Variants in LINGO2 observed in about 807,000 individuals in gnomAD.
The protein encoded by LINGO2 is leucine-rich repeat and immunoglobulin-like domain-containing nogo receptor-interacting protein 2.
A neutral mutation model predicts 30.6 loss-of-function variants in LINGO2; 14 were observed. The observed-to-expected ratio is 0.46, with a 90% confidence interval of 0.30 to 0.72. LINGO2 has a LOEUF of 0.72. LINGO2 is among the 30% of genes least tolerant of loss of function. The probability of loss-of-function intolerance (pLI) is 0.07; values close to 1 mark genes in which losing one functional copy is unlikely to be tolerated. For synonymous variants in LINGO2, 317 were observed against 288.5 expected (o/e 1.10, Z -1.00); for missense variants, 729 against 751.7 (o/e 0.97, Z 0.35).
chr9:28,147,698 G>A lies in LINGO2; in HGVS notation c.-86-135293C>T, dbSNP rs77749958. On this transcript the variant is annotated intron_variant, in intron 4 of 5. Coordinates refer to ENST00000379992, the Ensembl canonical transcript of LINGO2. The surrounding 1 kb of genome is among the most constrained non-coding windows in gnomAD (Gnocchi z 4.7). ...CCCCGCACCCCCAACAGCCCCACGG[G>A]GGGGCCCGTCCAGGGCCACACAACT... Among the ~76,000 whole-genome samples the A allele has an allele frequency of 2.0e-5, 3 of 152,262 alleles. No individual in the cohort carries two copies. In the East Asian group the frequency reaches 5.8e-4, roughly 30 times the overall value.
chr9:28,286,338 G>T (rs984052424), intron 4 of LINGO2, among the ~76,000 whole-genome samples: 1 of 152,150 alleles, frequency 6.6e-6, no homozygotes, highest in Non-Finnish European at 1.5e-5. Flanking sequence ...TGGAGAAAAA[G>T]GAATGCTTAT....
the LINGO2 span, among the ~76,000 whole-genome samples, chr9:29,022,581 T>C: frequency 2.6e-5 from 4 of 152,182 alleles, no homozygotes; most frequent in African/African-American, 4.8e-5. Flanking sequence ...TTAAAACACA[T>C]GTAAAAAACA....
At chr9:28,989,209 C>A in the LINGO2 span, among the ~76,000 whole-genome samples, 1 of 152,086 alleles carries the variant, frequency 6.6e-6, no homozygotes, top group Non-Finnish European at 1.5e-5. Context: ...TAAATTACTA[C>A]CAACAAACAA....
At chr9:29,023,845 T>C in the LINGO2 span, among the ~76,000 whole-genome samples, 2 of 152,162 alleles carry the variant, frequency 1.3e-5, no homozygotes, top group Admixed American at 6.6e-5. Flanking sequence ...TCGGAAGCTA[T>C]ATAGGAAGCT....
chr9:28,721,850 A>C, the LINGO2 span, among the ~76,000 whole-genome samples: 1 of 152,092 alleles, frequency 6.6e-6, no homozygotes, highest in Non-Finnish European at 1.5e-5. Flanking sequence ...ACATGGAGAT[A>C]CAATTTTTTT....
chr9:28,273,310 T>G (rs946852554), intron 4 of LINGO2, among the ~76,000 whole-genome samples: 1 of 152,224 alleles, frequency 6.6e-6, no homozygotes, highest in African/African-American at 2.4e-5. Flanking sequence ...GTTTTATGGC[T>G]GTAGTATCCA....
chr9:28,317,268 T>C (rs1824879054), intron 3 of LINGO2, among the ~76,000 whole-genome samples: 1 of 152,162 alleles, frequency 6.6e-6, no homozygotes, highest in Non-Finnish European at 1.5e-5. Flanking sequence ...ATAATTTTCA[T>C]GAGAGAGCTG....
At chr9:29,063,708 C>G in the LINGO2 span, among the ~76,000 whole-genome samples, 2 of 152,072 alleles carry the variant, frequency 1.3e-5, no homozygotes, top group Non-Finnish European at 2.9e-5. Flanking sequence ...GCCCTGATTC[C>G]ACATATTTCT....
the LINGO2 span, among the ~76,000 whole-genome samples, chr9:29,186,072 C>T: frequency 6.6e-6 from 1 of 152,028 alleles, no homozygotes; most frequent in African/African-American, 2.4e-5. Flanking sequence ...AGTAAGTTCC[C>T]ATTTCACCTT....
chr9:28,623,560 G>C (rs1826512937), intron 1 of LINGO2, among the ~76,000 whole-genome samples: 1 of 151,968 alleles, frequency 6.6e-6, no homozygotes, highest in African/African-American at 2.4e-5. Context: ...CTAAGTGTCT[G>C]TTTCTATGTC....
intron 2 of LINGO2, among the ~76,000 whole-genome samples, chr9:28,433,949 C>CTCTCTATATA (rs1225323260): frequency 3.4e-5 from 3 of 88,480 alleles, no homozygotes; most frequent in African/African-American, 9.0e-5. Flanking sequence ...CTCTCTCTCT[C>CTCTCTATATA]TATATATATA....
the LINGO2 span, among the ~76,000 whole-genome samples, chr9:29,119,074 C>A: frequency 6.6e-6 from 1 of 152,146 alleles, no homozygotes; most frequent in East Asian, 1.9e-4. Context: ...CTGAAGCAAC[C>A]TGTGACCTAG....
chr9:28,859,929 C>G, the LINGO2 span, among the ~76,000 whole-genome samples: 1 of 151,826 alleles, frequency 6.6e-6, no homozygotes, highest in East Asian at 1.9e-4. Context: ...TTAAACTCCA[C>G]AAAAATGAAA....
At chr9:28,595,297 T>C (rs1314847552) in intron 1 of LINGO2, among the ~76,000 whole-genome samples, 1 of 152,092 alleles carries the variant, frequency 6.6e-6, no homozygotes, top group Non-Finnish European at 1.5e-5. Flanking sequence ...TTTCATTTGC[T>C]TGTTTGTTTG....
chr9:28,213,851 G>A (rs1446325397), intron 4 of LINGO2, among the ~76,000 whole-genome samples: 3 of 151,270 alleles, frequency 2.0e-5, no homozygotes, highest in Non-Finnish European at 3.0e-5. Flanking sequence ...GAATTTGCTC[G>A]ATGGAAAAAA....
chr9:28,240,373 A>G lies in LINGO2; in HGVS notation c.-87+54835T>C, dbSNP rs369590791. ...GGATGCATCACATTACCTGACTTCAAATTATACTACAGAGCTATAGTAACC... is the reference window on the plus strand; with the variant it reads ...GGATGCATCACATTACCTGACTTCAGATTATACTACAGAGCTATAGTAACC... On this transcript the variant is annotated intron_variant, in intron 4 of 5. Transcript: ENST00000379992. Among the ~76,000 whole-genome samples the G allele has an allele frequency of 3.3e-5, 5 of 152,308 alleles. No individual in the cohort carries two copies. The East Asian group carries it at 9.6e-4, about 29-fold the overall frequency.
Position 28,646,462 on chromosome 9 carries a change from T to A in LINGO2, c.-365+23738A>T, listed in dbSNP as rs1383926021. ...TTGAACAATTAACACCTTTAAGAACTTAACGGGCTAAACTAATTGAGAAAG... is the reference window on the plus strand; with the variant it reads ...TTGAACAATTAACACCTTTAAGAACATAACGGGCTAAACTAATTGAGAAAG... On this transcript the variant is annotated intron_variant, in intron 1 of 5. Coordinates refer to ENST00000379992, the Ensembl canonical transcript of LINGO2. Among the ~76,000 whole-genome samples, 4 of 152,032 alleles carry A rather than the reference T, an allele frequency of 2.6e-5. No homozygotes were observed. The East Asian group carries it at 7.7e-4, about 29-fold the overall frequency.
intron 3 of LINGO2, among the ~76,000 whole-genome samples, chr9:28,299,050 T>C (rs928680121): frequency 2.0e-5 from 3 of 152,172 alleles, no homozygotes; most frequent in Non-Finnish European, 2.9e-5. Context: ...AGGATCCCCT[T>C]AGCACTTAGG....
intron 4 of LINGO2, among the ~76,000 whole-genome samples, chr9:28,032,802 T>C (rs941572172): frequency 6.6e-6 from 1 of 152,206 alleles, no homozygotes; most frequent in African/African-American, 2.4e-5. Flanking sequence ...TGAAAAGTTC[T>C]ACTTTGGTTT....
Sources: allele counts gnomAD v4.1 joint callset (sites outside exome capture counted in the v4.1 genomes callset), GRCh38; gene constraint gnomAD v4.1.1; non-coding constraint Gnocchi (gnomAD v3.1); transcripts MANE v1.5; gene names NCBI Gene and HGNC (gene_info 2026-07-23, HGNC 2026-07-21).